MEIKIN: variants seen among roughly 807,000 people sequenced by gnomAD.
MEIKIN encodes meiosis-specific kinetochore protein.
rs142437388 is a variant in MEIKIN at position 131,929,320 on chromosome 5, T to G, written c.478+4193A>C. ...ACTTGGGTCCCTTGGGCTTCCTGGA[T>G]CTAAATGTCCATTTCATTCCCCAGA... On this transcript the variant is annotated intron_variant, in intron 5 of 12. Transcript: ENST00000442687. Among the ~76,000 whole-genome samples, 8 of 152,252 alleles carry G rather than the reference T, an allele frequency of 5.3e-5. No individual in the cohort carries two copies. In the East Asian group the frequency reaches 1.5e-3, roughly 29 times the overall value.
intron 11 of MEIKIN, among the ~76,000 whole-genome samples, chr5:131,842,448 C>T (rs1749932080): frequency 6.6e-6 from 1 of 151,956 alleles, no homozygotes; most frequent in Admixed American, 6.5e-5. Context: ...TCATTAATGG[C>T]CTTTATTGTG....
chr5:131,836,111 C>A (rs184803667), intron 11 of MEIKIN, among the ~76,000 whole-genome samples: 126 of 152,246 alleles, frequency 8.3e-4, no homozygotes, highest in African/African-American at 3.0e-3. Context: ...GTGTTCTTAT[C>A]ATTTAGCTCT....
chr5:131,863,987 C>T (rs1440664968), intron 9 of MEIKIN, among the ~76,000 whole-genome samples: 4 of 152,172 alleles, frequency 2.6e-5, no homozygotes, highest in Non-Finnish European at 4.4e-5. Flanking sequence ...TTCCCAATCT[C>T]GGGTATGTTT....
intron 8 of MEIKIN, among the ~76,000 whole-genome samples, chr5:131,882,973 TAC>T (rs1286653003): frequency 6.6e-6 from 1 of 152,244 alleles, no homozygotes; most frequent in African/African-American, 2.4e-5. Context: ...CATGCCTAGT[TAC>T]ACCTCTTTAC....
At chr5:131,833,204 T>C (rs1749743694) in intron 11 of MEIKIN, among the ~76,000 whole-genome samples, 1 of 152,246 alleles carries the variant, frequency 6.6e-6, no homozygotes, top group Admixed American at 6.5e-5. Context: ...TTCTGCCAGA[T>C]ACCCTAAATC....
intron 5 of MEIKIN, among the ~76,000 whole-genome samples, chr5:131,931,404 T>C (rs1017250648): frequency 1.1e-4 from 16 of 152,182 alleles, no homozygotes; most frequent in African/African-American, 2.4e-4. Flanking sequence ...CTAGACCAAA[T>C]TGTCATCTTT....
intron 8 of MEIKIN, among the ~76,000 whole-genome samples, chr5:131,908,982 T>C (rs900162842): frequency 6.6e-6 from 1 of 152,174 alleles, no homozygotes; most frequent in East Asian, 1.9e-4. Flanking sequence ...ATCAATATTG[T>C]AAATATGGCC....
At chr5:131,856,074 G>T (rs547079883) in intron 9 of MEIKIN, among the ~76,000 whole-genome samples, 8 of 152,268 alleles carry the variant, frequency 5.3e-5, no homozygotes, top group African/African-American at 1.9e-4. Flanking sequence ...GTTGGTACAA[G>T]ACATAATCTG....
intron 11 of MEIKIN, among the ~76,000 whole-genome samples, chr5:131,839,963 G>T (rs1482885226): frequency 6.6e-6 from 1 of 152,194 alleles, no homozygotes. Context: ...GTGTACTTCA[G>T]TGTGTTTCAT....
chr5:131,938,165 CTTTTTT>C (rs3043872), intron 4 of MEIKIN, among the ~76,000 whole-genome samples: 1 of 126,630 alleles, frequency 7.9e-6, no homozygotes. Flanking sequence ...CCCTCACCCC[CTTTTTT>C]TTTTTTTTTT....
At chr5:131,870,512 A>C (rs1176356763) in intron 9 of MEIKIN, among the ~76,000 whole-genome samples, 1 of 152,174 alleles carries the variant, frequency 6.6e-6, no homozygotes, top group Admixed American at 6.5e-5. Flanking sequence ...CGACTTAAAA[A>C]AAAATTATAA....
intron 11 of MEIKIN, among the ~76,000 whole-genome samples, chr5:131,822,632 T>C (rs1466136332): frequency 6.6e-6 from 1 of 152,340 alleles, no homozygotes; most frequent in East Asian, 1.9e-4. Flanking sequence ...TGTCTTATTG[T>C]ACTGTCTATG....
chr5:131,872,916 A>C (rs1472589249), intron 9 of MEIKIN, among the ~76,000 whole-genome samples: 1 of 142,230 alleles, frequency 7.0e-6, no homozygotes, highest in African/African-American at 2.7e-5. Flanking sequence ...TAAGTGAAGG[A>C]GAAATAAAAT....
chr5:131,832,317 A>G (rs1185716547), intron 11 of MEIKIN, among the ~76,000 whole-genome samples: 2 of 152,162 alleles, frequency 1.3e-5, no homozygotes, highest in South Asian at 2.1e-4. Context: ...TTCCAACATG[A>G]TATTTTTTTT....
chr5:131,830,377 A>G (rs1451057740), intron 11 of MEIKIN, among the ~76,000 whole-genome samples: 1 of 152,250 alleles, frequency 6.6e-6, no homozygotes, highest in Non-Finnish European at 1.5e-5. Flanking sequence ...AGCCTGGGCA[A>G]GAGAGTGAGA....
At chr5:131,939,477 T>C (rs1751834416) in intron 4 of MEIKIN, among the ~76,000 whole-genome samples, 2 of 152,168 alleles carry the variant, frequency 1.3e-5, no homozygotes, top group African/African-American at 4.8e-5. Context: ...CTCTTCTTTT[T>C]GAACCTACAG....
At chr5:131,825,934 A>G (rs548424767) in intron 11 of MEIKIN, among the ~76,000 whole-genome samples, 1 of 152,364 alleles carries the variant, frequency 6.6e-6, no homozygotes, top group East Asian at 1.9e-4. Context: ...AAGAGCAGAG[A>G]GAAAATGACT....
intron 6 of MEIKIN, among the ~76,000 whole-genome samples, chr5:131,921,247 C>A (rs893883063): frequency 1.3e-5 from 2 of 152,218 alleles, no homozygotes; most frequent in Non-Finnish European, 2.9e-5. Flanking sequence ...TGCAATGGCT[C>A]ATGCCTATAA....
At chr5:131,861,421 G>A (rs773314151) in intron 9 of MEIKIN, among the ~76,000 whole-genome samples, 1 of 152,082 alleles carries the variant, frequency 6.6e-6, no homozygotes, top group Non-Finnish European at 1.5e-5. Flanking sequence ...TCCCAAAGAA[G>A]AGGGTCAATT....
Sources: allele counts gnomAD v4.1 joint callset (sites outside exome capture counted in the v4.1 genomes callset), GRCh38; gene constraint gnomAD v4.1.1; transcripts MANE v1.5; gene names NCBI Gene and HGNC (gene_info 2026-07-23, HGNC 2026-07-21).